WDR25: variants seen among roughly 807,000 people sequenced by gnomAD.
WDR25 encodes WD repeat-containing protein 25.
WDR25 carries 35 observed loss-of-function variants against 47.7 expected under a neutral mutation model. That is an observed-to-expected ratio of 0.73 (90% CI 0.56 to 0.97). The LOEUF is 0.97. Ranked by LOEUF, WDR25 falls within the 50% of genes least tolerant of loss-of-function variation. The pLI, the probability that WDR25 is intolerant of heterozygous loss-of-function variation, is 0.00. For synonymous variants in WDR25, 248 were observed against 278.9 expected, an observed-to-expected ratio of 0.89 and a Z score of 1.10; for missense variants, 634 against 704.7, an observed-to-expected ratio of 0.90 and a Z score of 1.14.
At chr14:100,426,097 C>T (rs1050061717) in intron 2 of WDR25, among the ~76,000 whole-genome samples, 7 of 152,160 alleles carry the variant, frequency 4.6e-5, no homozygotes, top group Non-Finnish European at 1.0e-4. Context: ...TCTCTACAAG[C>T]CAAAGCTTGG....
intron 2 of WDR25, among the ~76,000 whole-genome samples, chr14:100,413,196 G>A (rs947499743): frequency 7.9e-5 from 12 of 152,146 alleles, no homozygotes; most frequent in African/African-American, 2.7e-4. Context: ...ATAAAATGCA[G>A]CCCTGTAAGT....
At chr14:100,515,008 C>T (rs148260817) in intron 4 of WDR25, among the ~76,000 whole-genome samples, 119 of 152,116 alleles carry the variant, frequency 7.8e-4, no homozygotes, top group African/African-American at 2.7e-3. Flanking sequence ...TTTTCTCTTC[C>T]AGTACTTTAA....
chr14:100,454,401 T>C, intron 2 of WDR25: 1 of 1,287,306 alleles, frequency 7.8e-7, no homozygotes, highest in Non-Finnish European at 1.0e-6. Context: ...GGTGAAGTGT[T>C]ACTTTTTAAT....
Position 100,449,546 on chromosome 14 carries a change from G to A in WDR25, c.823-18475G>A, listed in dbSNP as rs1898955177. On this transcript the variant is annotated intron_variant, in intron 2 of 6. Transcript: ENST00000402312. This position sits in a 1 kb window ranked among gnomAD's most constrained non-coding sequence, Gnocchi z 4.2. ...GCTGAGGTCAGGAGGCCTGTGCCCT[G>A]GGACATGGCTATGTATGACAGCCAG... Among the ~76,000 whole-genome samples, 1 of 152,222 alleles carries A rather than the reference G, an allele frequency of 6.6e-6. No homozygotes were observed. The highest frequency in any genetic ancestry group is 2.4e-5 in the African/African-American group (1 of 41,450).
In WDR25 at chr14:100,517,714, C is replaced by T. The variant is rs569382717; in HGVS notation, c.1102-8156C>T. On this transcript the variant is annotated intron_variant, in intron 4 of 6. Transcript: ENST00000402312. ...CAAAAATTAGCCGGGCGTGGTGGCA[C>T]GCGCCTGTAGTCCCAGCTGCTCCTG... Among the ~76,000 whole-genome samples, 22 of 152,216 alleles carry T rather than the reference C, an allele frequency of 1.4e-4. No homozygotes were observed. In the South Asian group the frequency reaches 1.5e-3, roughly 10 times the overall value.
intron 2 of WDR25, among the ~76,000 whole-genome samples, chr14:100,413,665 G>A (rs1286817587): frequency 2.0e-5 from 3 of 152,082 alleles, no homozygotes; most frequent in East Asian, 1.9e-4. Context: ...CACCCACCTC[G>A]GCCTCCCAAA....
At chr14:100,385,145 G>A (rs1896990930) in intron 2 of WDR25, among the ~76,000 whole-genome samples, 2 of 152,154 alleles carry the variant, frequency 1.3e-5, no homozygotes, top group African/African-American at 4.8e-5. Context: ...AAGCATATCA[G>A]CTTCACCTAC....
chr14:100,471,635 C>T (rs78695269), intron 3 of WDR25, among the ~76,000 whole-genome samples: 3,258 of 152,232 alleles, frequency 0.021, 111 homozygotes, highest in African/African-American at 0.074. Context: ...GCGTTCTCAC[C>T]GCAGCGCTTT....
intron 4 of WDR25, among the ~76,000 whole-genome samples, chr14:100,501,841 A>G (rs1246817173): frequency 2.0e-5 from 3 of 152,200 alleles, no homozygotes; most frequent in Non-Finnish European, 1.5e-5. Context: ...GGGGGCTCAC[A>G]AAGGCCATTT....
Position 100,380,992 on chromosome 14 carries a change from A to G in WDR25, c.68A>G (p.Glu23Gly), listed in dbSNP as rs1336528007. 1 of 1,614,218 alleles carries G rather than the reference A, an allele frequency of 6.2e-7. No individual in the cohort carries two copies. Among genetic ancestry groups the G allele is most frequent in the Non-Finnish European group, 8.5e-7 (1 of 1,180,032 alleles). Residue 23 changes from glutamate to glycine, a missense_variant, in exon 2 of 7, where the codon GAG becomes GGG. Transcript: ENST00000402312. ...VAYDDSDSEAETEHAGSFNAT... is the reference protein window; with the variant it reads ...VAYDDSDSEAGTEHAGSFNAT... ...TATGATGATTCGGACTCGGAGGCTG[A>G]GACAGAGCATGCAGGAAGTTTTAAT...
intron 2 of WDR25, among the ~76,000 whole-genome samples, chr14:100,439,066 G>A (rs1220448366): frequency 6.6e-6 from 1 of 152,232 alleles, no homozygotes; most frequent in Non-Finnish European, 1.5e-5. Context: ...AGGGAGTGGG[G>A]CTGGGCATCA....
intron 2 of WDR25, among the ~76,000 whole-genome samples, chr14:100,399,331 T>G (rs2140167826): frequency 6.6e-6 from 1 of 152,314 alleles, no homozygotes; most frequent in East Asian, 1.9e-4. Flanking sequence ...TAGGTGATTT[T>G]TCCGACAAAA....
At chr14:100,491,139 G>T (rs1000750522) in intron 4 of WDR25, among the ~76,000 whole-genome samples, 1 of 152,214 alleles carries the variant, frequency 6.6e-6, no homozygotes, top group African/African-American at 2.4e-5. Context: ...GCATCACGCT[G>T]TGCACGCTGT....
rs866204730 is a variant in WDR25 at position 100,522,473 on chromosome 14, T to C, written c.1102-3397T>C. Among the ~76,000 whole-genome samples, 53 of 152,208 alleles carry C rather than the reference T, an allele frequency of 3.5e-4. 1 individual carries two copies. The highest frequency in any genetic ancestry group is 1.2e-3 in the African/African-American group (48 of 41,452). ...TGCGACTTTAAACCAAAGCAGTGGG[T>C]CCTGTGCTACCTTTCCACTTTGCCT... On this transcript the variant is annotated intron_variant, in intron 4 of 6. Coordinates refer to ENST00000402312, the MANE Select transcript of WDR25 (RefSeq NM_001161476.3).
intron 1 of WDR25, among the ~76,000 whole-genome samples, chr14:100,378,191 C>T (rs1402640474): frequency 6.7e-6 from 1 of 149,760 alleles, no homozygotes; most frequent in African/African-American, 2.5e-5. Flanking sequence ...TTTTTTGAGA[C>T]GAAGTTTCAC....
At chr14:100,509,135 G>A (rs1477251372) in intron 4 of WDR25, among the ~76,000 whole-genome samples, 4 of 152,100 alleles carry the variant, frequency 2.6e-5, no homozygotes, top group Admixed American at 2.6e-4. Context: ...TTGAATGTTT[G>A]TATAAGATTG....
chr14:100,429,038 C>T (rs1898251668), intron 2 of WDR25, among the ~76,000 whole-genome samples: 1 of 152,188 alleles, frequency 6.6e-6, no homozygotes, highest in African/African-American at 2.4e-5. Flanking sequence ...GGGAAGTTTC[C>T]ACTGTGCCGT....
At chr14:100,376,816 A>G (rs1459037862) in intron 1 of WDR25, 1 of 1,117,584 alleles carries the variant, frequency 8.9e-7, no homozygotes, top group Non-Finnish European at 1.1e-6. Flanking sequence ...AAGAGTACGT[A>G]ATCAGGAAAT....
rs569498264 is a variant in WDR25 at position 100,460,316 on chromosome 14, G to A, written c.823-7705G>A. Among the ~76,000 whole-genome samples the A allele has an allele frequency of 3.4e-4, 51 of 152,050 alleles. 1 individual carries two copies. Among genetic ancestry groups the A allele is most frequent in the African/African-American group, 1.1e-3 (46 of 41,480 alleles). On this transcript the variant is annotated intron_variant, in intron 2 of 6. Coordinates refer to ENST00000402312, the MANE Select transcript of WDR25 (RefSeq NM_001161476.3). Reference sequence around the variant, plus strand: ...TTTAGTAGAGACGGGGTTTCACTGCGTTAGCCAGGATGGTCTTGATCTCCT... The same window carrying A: ...TTTAGTAGAGACGGGGTTTCACTGCATTAGCCAGGATGGTCTTGATCTCCT...
Sources: gnomAD v4.1 joint callset for allele counts (sites outside exome capture counted in the v4.1 genomes callset) on GRCh38, gnomAD v4.1.1 for gene constraint, Gnocchi (gnomAD v3.1) non-coding constraint, MANE v1.5 for transcripts, NCBI Gene and HGNC (gene_info 2026-07-23, HGNC 2026-07-21) for gene names.